The following PACSIN2 variants were observed in gnomAD, a reference collection of about 807,000 sequenced individuals.
PACSIN2 encodes protein kinase C and casein kinase substrate in neurons protein 2.
A neutral mutation model predicts 63.8 loss-of-function variants in PACSIN2; 25 were observed. The observed-to-expected ratio is 0.39, with a 90% CI of 0.29 to 0.55. The LOEUF is 0.55. Ranked by LOEUF, PACSIN2 falls within the 20% of genes least tolerant of loss-of-function variation. The pLI, the probability that PACSIN2 is intolerant of heterozygous loss-of-function variation, is 0.62. For missense variants in PACSIN2, 518 were observed against 646.9 expected (o/e 0.80, Z 2.16); for synonymous variants, 255 against 256.2 (o/e 1.00, Z 0.05).
At chr22:43,011,684 C>T in intron 1 of PACSIN2, among the ~76,000 whole-genome samples, 1 of 152,178 alleles carries the variant, frequency 6.6e-6, no homozygotes, top group Non-Finnish European at 1.5e-5. Flanking sequence ...CCAGATCAGC[C>T]TGGCCAACAC....
rs1379198731 is a variant in PACSIN2 at position 42,911,961 on chromosome 22, G to C, written c.60+60C>G. 2.3e-6 allele frequency: 3 copies of C among 1,291,286 alleles called. No homozygotes were observed. In the East Asian group the frequency reaches 7.2e-5, roughly 31 times the overall value. The allele number at this position is 1,291,286 out of a possible 1,614,324, so 80.0% of individuals were successfully genotyped here. A position where few individuals can be genotyped will look rare whatever the true frequency, so the allele number is the denominator to read the frequency against. ...CCAACCTCCACCAAAAAAACCAAAG[G>C]GCCTGCCAGACACTATTGGCCTGGC... On this transcript the variant is annotated intron_variant, in intron 2 of 10. Transcript: ENST00000263246.
chr22:42,983,625 A>G (rs950329401), intron 1 of PACSIN2, among the ~76,000 whole-genome samples: 8 of 152,302 alleles, frequency 5.3e-5, no homozygotes, highest in South Asian at 4.1e-4. Context: ...ATATGAGAAT[A>G]TATCAATTTT....
intron 1 of PACSIN2, among the ~76,000 whole-genome samples, chr22:42,969,306 T>C (rs1921065218): frequency 6.6e-6 from 1 of 152,210 alleles, no homozygotes; most frequent in South Asian, 2.1e-4. Flanking sequence ...TAAACTTTCT[T>C]TGTATTCTAT....
At chr22:42,888,499 C>T in intron 5 of PACSIN2, 144 bp downstream of exon 5, 1 of 764,832 alleles carries the variant, frequency 1.3e-6, no homozygotes. Flanking sequence ...CACCTGTGGC[C>T]TTCTTGAGGA....
chr22:42,982,886 A>AAAAAAAAAAAAAAAAAAAG (rs1922305900), intron 1 of PACSIN2, among the ~76,000 whole-genome samples: 1 of 139,848 alleles, frequency 7.2e-6, no homozygotes, highest in African/African-American at 2.7e-5. Context: ...AAAAAAAAAA[A>AAAAAAAAAAAAAAAAAAAG]AAAACAACAA....
intron 1 of PACSIN2, among the ~76,000 whole-genome samples, chr22:42,914,352 C>A (rs1222636400): frequency 6.6e-6 from 1 of 152,220 alleles, no homozygotes; most frequent in Non-Finnish European, 1.5e-5. Flanking sequence ...AGTGCCTCAG[C>A]CTCCCCAGTA....
chr22:43,009,707 G>A (rs532321187), intron 1 of PACSIN2, among the ~76,000 whole-genome samples: 8 of 152,146 alleles, frequency 5.3e-5, no homozygotes, highest in African/African-American at 1.9e-4. Context: ...TTCTTGGGAG[G>A]AAAAATAATC....
intron 2 of PACSIN2, among the ~76,000 whole-genome samples, chr22:42,897,748 G>T (rs929281494): frequency 1.3e-5 from 2 of 152,216 alleles, no homozygotes; most frequent in Non-Finnish European, 2.9e-5. Flanking sequence ...CTAGGAGGAG[G>T]GGGTGAGAGG....
chr22:42,879,962 G>T (rs8141676), intron 7 of PACSIN2, among the ~76,000 whole-genome samples: 13 of 151,972 alleles, frequency 8.6e-5, no homozygotes, highest in Non-Finnish European at 1.6e-4. Context: ...ACGAGTTCTC[G>T]GGTGGCGAAC....
chr22:42,875,786 T>C (rs1928568022), intron 10 of PACSIN2, among the ~76,000 whole-genome samples: 2 of 122,798 alleles, frequency 1.6e-5, no homozygotes, highest in South Asian at 5.1e-4. Flanking sequence ...TCTGCCTGCC[T>C]TGGCCTCCCA....
chr22:42,918,833 A>AT (rs942773939), intron 1 of PACSIN2, among the ~76,000 whole-genome samples: 16 of 151,686 alleles, frequency 1.1e-4, no homozygotes, highest in South Asian at 6.2e-4. Context: ...TACTACTATA[A>AT]TTTTTTTTTG....
chr22:42,981,566 T>G (rs1267906169), intron 1 of PACSIN2, among the ~76,000 whole-genome samples: 4 of 84,444 alleles, frequency 4.7e-5, no homozygotes, highest in Admixed American at 1.3e-4. Flanking sequence ...GTCCGGGAGG[T>G]GAGGGGCGCC....
intron 4 of PACSIN2, among the ~76,000 whole-genome samples, chr22:42,889,373 T>TTACACACACACACACACACAC (rs1555909669): frequency 8.2e-6 from 1 of 122,424 alleles, no homozygotes; most frequent in South Asian, 2.7e-4. Flanking sequence ...TAATGGTTTT[T>TTACACACACACACACACACAC]ACACACACAC....
chr22:42,955,193 T>C (rs1278162678), intron 1 of PACSIN2, among the ~76,000 whole-genome samples: 3 of 152,148 alleles, frequency 2.0e-5, no homozygotes, highest in African/African-American at 7.2e-5. Flanking sequence ...AGACCAGAAC[T>C]CAATCCTAAC....
chr22:42,994,251 G>A (rs1923247231), intron 1 of PACSIN2, among the ~76,000 whole-genome samples: 1 of 152,226 alleles, frequency 6.6e-6, no homozygotes, highest in South Asian at 2.1e-4. Flanking sequence ...CAGGGGGACA[G>A]GCCTGCTCTT....
intron 10 of PACSIN2, among the ~76,000 whole-genome samples, chr22:42,875,072 A>T (rs2006042): frequency 6.6e-5 from 10 of 151,518 alleles, no homozygotes; most frequent in African/African-American, 2.4e-4. Context: ...GGATGGTCTC[A>T]ATCTCCTGAC....
intron 1 of PACSIN2, among the ~76,000 whole-genome samples, chr22:42,919,698 G>A (rs1261178464): frequency 6.9e-5 from 10 of 144,678 alleles, no homozygotes; most frequent in African/African-American, 2.3e-4. Context: ...ACTTGAACCC[G>A]GGAAGTGGAG....
At chr22:42,908,110 T>C (rs1415592033) in intron 2 of PACSIN2, among the ~76,000 whole-genome samples, 1 of 152,206 alleles carries the variant, frequency 6.6e-6, no homozygotes, top group Non-Finnish European at 1.5e-5. Context: ...CAGGGGCTCT[T>C]TGTACCCACA....
chr22:42,877,421 G>A (rs578106920), intron 8 of PACSIN2, among the ~76,000 whole-genome samples: 65 of 152,214 alleles, frequency 4.3e-4, no homozygotes, highest in African/African-American at 1.5e-3. Context: ...CAGTGTGGGA[G>A]GGGCCGGCTC....
Sources: allele counts gnomAD v4.1 joint callset (sites outside exome capture counted in the v4.1 genomes callset), GRCh38; gene constraint gnomAD v4.1.1; transcripts MANE v1.5; gene names NCBI Gene and HGNC (gene_info 2026-07-23, HGNC 2026-07-21).